The following TMEM67 variants were observed in gnomAD, a reference collection of about 807,000 sequenced individuals.
TMEM67 encodes meckelin.
Under a neutral mutation model 136.6 loss-of-function variants are expected in TMEM67, and 124 were observed. The observed-to-expected ratio is 0.91, with a 90% CI of 0.78 to 1.05. The LOEUF is 1.05. Among genes scored for constraint, TMEM67 ranks in the 50% least tolerant of loss-of-function variants. The probability of loss-of-function intolerance (pLI) is 0.00; values close to 1 mark genes in which losing one functional copy is unlikely to be tolerated. For synonymous variants in TMEM67, 364 were observed against 390.5 expected (o/e 0.93, Z 0.80); for missense variants, 1,107 against 1,178.4 (o/e 0.94, Z 0.89).
chr8:93,814,338 A>G, intron 26 of TMEM67, among the ~76,000 whole-genome samples: 1 of 149,264 alleles, frequency 6.7e-6, no homozygotes, highest in Admixed American at 6.7e-5. Context: ...ACGGGGTTTC[A>G]CCGTGTTAGC....
At chr8:93,795,660 C>T (rs1371434488) in intron 17 of TMEM67, among the ~76,000 whole-genome samples, 153 bp downstream of exon 17, 4 of 152,058 alleles carry the variant, frequency 2.6e-5, no homozygotes, top group African/African-American at 9.7e-5. Flanking sequence ...CTGAGCTTAT[C>T]GATTACATCA....
intron 12 of TMEM67, 126 bp from the exon 13 acceptor site, chr8:93,786,097 C>T: frequency 1.2e-6 from 1 of 857,800 alleles, no homozygotes; most frequent in East Asian, 2.6e-5. Flanking sequence ...AAGACATTCA[C>T]ATGAGTTAGA....
At chr8:93,806,142 C>A (rs916599975) in intron 23 of TMEM67, among the ~76,000 whole-genome samples, 3 of 151,980 alleles carry the variant, frequency 2.0e-5, no homozygotes, top group African/African-American at 7.3e-5. Context: ...TGTCTCCAGA[C>A]AAATCAATGA....
At chr8:93,767,672 C>T (rs184410706) in intron 6 of TMEM67, among the ~76,000 whole-genome samples, 9 of 150,016 alleles carry the variant, frequency 6.0e-5, no homozygotes, top group Admixed American at 1.3e-4. Context: ...TTTTGATGCT[C>T]AAATTGTCCT....
In TMEM67 at chr8:93,797,213, A is replaced by C. The variant is rs1253147321; in HGVS notation, c.1940A>C (p.Lys647Thr). 3.7e-6 allele frequency: 6 copies of C among 1,612,976 alleles called. No individual in the cohort carries two copies. The South Asian group carries it at 6.6e-5, about 18-fold the overall frequency. ...ATTGATTGGGAGCGACCTAAAGGAA[A>C]GGTTCTTAAAGCTGTTGAAGGTAAC... ...FFIDWERPKG[K>T]VLKAVEGEGG... The change falls in exon 19 of 28, where the codon AAG (lysine) becomes ACG (threonine). Residue 647 changes from lysine to threonine, a missense_variant. Coordinates refer to ENST00000453321, the MANE Select transcript of TMEM67 (RefSeq NM_153704.6).
At chr8:93,792,454 G>A (rs1303278110) in intron 15 of TMEM67, among the ~76,000 whole-genome samples, 3 of 152,190 alleles carry the variant, frequency 2.0e-5, no homozygotes, top group South Asian at 2.1e-4. Context: ...GATTACAGGC[G>A]TGAGCCACGG....
At chr8:93,771,807 A>G (rs1182566247) in intron 6 of TMEM67, among the ~76,000 whole-genome samples, 1 of 152,144 alleles carries the variant, frequency 6.6e-6, no homozygotes. Flanking sequence ...CCTTCTATGC[A>G]TATTTTTTCT....
intron 7 of TMEM67, among the ~76,000 whole-genome samples, chr8:93,779,717 A>G (rs775836613): frequency 2.1e-4 from 32 of 152,072 alleles, no homozygotes; most frequent in Non-Finnish European, 4.7e-4. Context: ...AGAACAGCAA[A>G]TATTGCTGCC....
chr8:93,763,956 G>A lies in TMEM67; in HGVS notation c.506+15G>A. The A allele has an allele frequency of 2.0e-6, 3 of 1,475,872 alleles. No homozygotes were observed. The highest frequency in any genetic ancestry group is 2.8e-6 in the Non-Finnish European group (3 of 1,054,472). The allele number at this position is 1,475,872 out of a possible 1,614,324, so 91.4% of individuals were successfully genotyped here. ...TTAGGAGACAGGTAAGCAGTGTGAT[G>A]GGGGCTAACTTCATTAATATCATCT... On this transcript the variant is annotated intron_variant, in intron 4 of 27. Coordinates refer to ENST00000453321, the MANE Select transcript of TMEM67 (RefSeq NM_153704.6).
the TMEM67 span, among the ~76,000 whole-genome samples, chr8:93,829,190 C>A: frequency 3.0e-4 from 45 of 152,244 alleles, 1 homozygote; most frequent in South Asian, 5.0e-3. Context: ...GTACACCTGT[C>A]GGTCGCACTT....
At chr8:93,776,921 G>C (rs570305087) in intron 7 of TMEM67, among the ~76,000 whole-genome samples, 16 of 152,300 alleles carry the variant, frequency 1.1e-4, no homozygotes, top group African/African-American at 3.9e-4. Flanking sequence ...AGTTTCAGAA[G>C]GAATGATACC....
chr8:93,777,978 G>T (rs1389578512), intron 7 of TMEM67, among the ~76,000 whole-genome samples: 1 of 152,160 alleles, frequency 6.6e-6, no homozygotes, highest in South Asian at 2.1e-4. Flanking sequence ...TTATTATTGT[G>T]TGGGAGTCTA....
At chr8:93,788,846 A>G (rs1305125949) in intron 14 of TMEM67, among the ~76,000 whole-genome samples, 1 of 152,214 alleles carries the variant, frequency 6.6e-6, no homozygotes, top group African/African-American at 2.4e-5. Flanking sequence ...GGGCCTACGT[A>G]TGGAAGCGAG....
chr8:93,782,255 A>G (rs771202589), intron 10 of TMEM67, 140 bp from the exon 11 acceptor site: 7 of 689,572 alleles, frequency 1.0e-5, no homozygotes, highest in African/African-American at 1.8e-5. Context: ...TTTATAACAG[A>G]TGTTCCCTTA....
chr8:93,768,743 T>C (rs1456426589), intron 6 of TMEM67, among the ~76,000 whole-genome samples: 1 of 151,986 alleles, frequency 6.6e-6, no homozygotes, highest in African/African-American at 2.4e-5. Flanking sequence ...TGGGGTTCAT[T>C]ATCCTCAATT....
downstream of TMEM67, among the ~76,000 whole-genome samples, chr8:93,821,193 A>G (rs745567978): frequency 6.6e-6 from 1 of 152,208 alleles, no homozygotes; most frequent in Non-Finnish European, 1.5e-5. Context: ...AATTTCAGGT[A>G]GATGCTAAAT....
At chr8:93,768,516 G>A (rs1175174391) in intron 6 of TMEM67, among the ~76,000 whole-genome samples, 2 of 152,076 alleles carry the variant, frequency 1.3e-5, no homozygotes, top group South Asian at 2.1e-4. Flanking sequence ...AGGCTAAGAC[G>A]GGAGAATCAC....
intron 20 of TMEM67, among the ~76,000 whole-genome samples, chr8:93,798,937 AAAG>A (rs1814742307): frequency 7.4e-6 from 1 of 134,528 alleles, no homozygotes. Flanking sequence ...TTTTTGTACT[AAAG>A]TAGTGTGTGT....
At chr8:93,786,450 T>C in intron 13 of TMEM67, 104 bp downstream of exon 13, 1 of 1,346,528 alleles carries the variant, frequency 7.4e-7, no homozygotes, top group Non-Finnish European at 1.0e-6. Flanking sequence ...ATTGGAACAG[T>C]TGGTCGGGTT....
Sources: gnomAD v4.1 joint callset for allele counts (sites outside exome capture counted in the v4.1 genomes callset) on GRCh38, gnomAD v4.1.1 for gene constraint, MANE v1.5 for transcripts, NCBI Gene and HGNC (gene_info 2026-07-23, HGNC 2026-07-21) for gene names.